The following FHIP1B variants were observed in gnomAD, a reference collection of about 807,000 sequenced individuals.
FHIP1B encodes the protein FHF complex subunit HOOK interacting protein 1B, also known as FHF complex subunit HOOK-interacting protein 1B.
In FHIP1B, 28 loss-of-function variants were observed where a neutral mutation model predicts 82.2. The ratio of observed to expected loss-of-function variants is 0.34; its 90% confidence interval spans 0.25 to 0.47. The LOEUF is 0.47. Among genes scored for constraint, FHIP1B ranks in the 20% least tolerant of loss-of-function variants. FHIP1B has a pLI of 1.00. For synonymous variants in FHIP1B, 585 were observed against 516.1 expected, an observed-to-expected ratio of 1.13 and a Z score of -1.81; for missense variants, 1,110 against 1,262.6, an observed-to-expected ratio of 0.88 and a Z score of 1.83.
chr11:6,234,490 T>C (rs1200487495), intron 1 of FHIP1B, 54 bp downstream of exon 1: 1 of 152,884 alleles, frequency 6.5e-6, no homozygotes, highest in Non-Finnish European at 1.5e-5. Flanking sequence ...CACCGTCTTT[T>C]CCCAGTCTCT....
At chr11:6,230,549 T>C (rs2133848971) in intron 1 of FHIP1B, among the ~76,000 whole-genome samples, 1 of 152,320 alleles carries the variant, frequency 6.6e-6, no homozygotes, top group East Asian at 1.9e-4. Flanking sequence ...AAATGGGATG[T>C]CAGGGTATGG....
chr11:6,230,699 C>G (rs905988003), intron 1 of FHIP1B, among the ~76,000 whole-genome samples: 1 of 152,162 alleles, frequency 6.6e-6, no homozygotes, highest in Non-Finnish European at 1.5e-5. Flanking sequence ...GCAATGAATC[C>G]TCATGTCACA....
In FHIP1B at chr11:6,222,646, C is replaced by T. The variant is rs777482488; in HGVS notation, c.1024-37G>A. 1.6e-5 allele frequency: 25 copies of T among 1,606,446 alleles called. No homozygotes were observed. In the African/African-American group the frequency reaches 3.3e-4, roughly 21 times the overall value. On this transcript the variant is annotated intron_variant, in intron 5 of 11. Transcript: ENST00000449352. ...GAAGGGAAAGTCTGGAAATGCACAGCTTCCCTGCACATACAGGGCCATTTT... is the reference window on the plus strand; with the variant it reads ...GAAGGGAAAGTCTGGAAATGCACAGTTTCCCTGCACATACAGGGCCATTTT...
At chr11:6,226,722 T>G (rs1847574591) in intron 1 of FHIP1B, among the ~76,000 whole-genome samples, 1 of 152,220 alleles carries the variant, frequency 6.6e-6, no homozygotes, top group African/African-American at 2.4e-5. Flanking sequence ...GAAGGGTAAA[T>G]GTGGGTGACG....
intron 9 of FHIP1B, chr11:6,216,790 G>T (rs889089823): frequency 2.0e-6 from 1 of 498,774 alleles, no homozygotes; most frequent in African/African-American, 1.9e-5. Context: ...GACAGTCACA[G>T]CAACCAAGAA....
At position 6,218,033 on chromosome 11, in the gene FHIP1B, C is replaced by A; in HGVS notation, c.1553G>T (p.Gly518Val). ...AAGCCCTGGTGAGCAAGGGGCTGGG[C>A]CTGGAGACTCAGAGCCACCCAGGCT... ...QQSLGGSESP[G>V]PAPCSPGLSA... Residue 518 changes from glycine to valine, a missense_variant, in exon 9 of 12, where the codon GGC (glycine) becomes GTC (valine). This residue lies in a region of FHIP1B where 418 missense variants were observed against 371.4 expected (regional missense o/e 1.13). Transcript: ENST00000449352. The A allele has an allele frequency of 1.9e-6, 3 of 1,613,330 alleles. No individual in the cohort carries two copies. The highest frequency in any genetic ancestry group is 2.5e-6 in the Non-Finnish European group (3 of 1,179,694).
At chr11:6,217,090 T>C (rs1389048587) in intron 9 of FHIP1B, 1 of 702,554 alleles carries the variant, frequency 1.4e-6, no homozygotes, top group Non-Finnish European at 2.6e-6. Flanking sequence ...TCGCAGGAAA[T>C]GGCCAGACTA....
intron 6 of FHIP1B, among the ~76,000 whole-genome samples, chr11:6,219,992 A>T (rs1847361239): frequency 6.6e-6 from 1 of 152,224 alleles, no homozygotes; most frequent in Non-Finnish European, 1.5e-5. Flanking sequence ...GCTAGCAATG[A>T]AAAAATTCAG....
intron 1 of FHIP1B, among the ~76,000 whole-genome samples, chr11:6,230,838 G>A (rs1435381306): frequency 6.6e-6 from 1 of 152,206 alleles, no homozygotes; most frequent in African/African-American, 2.4e-5. Flanking sequence ...CTATTACAAA[G>A]ATTTCAAGGC....
At chr11:6,215,011 G>GT (rs1847186903) in intron 9 of FHIP1B, 100 bp from the exon 10 acceptor site, 1 of 1,154,590 alleles carries the variant, frequency 8.7e-7, no homozygotes, top group South Asian at 1.9e-5. Context: ...CAGATGAAAA[G>GT]TATTTGTATG....
In FHIP1B at chr11:6,223,960, G is replaced by A; in HGVS notation, c.427C>T (p.Gln143Ter). 2 of 1,614,130 alleles carry A rather than the reference G, an allele frequency of 1.2e-6. No individual in the cohort carries two copies. The highest frequency in any genetic ancestry group is 1.7e-6 in the Non-Finnish European group (2 of 1,180,034). ...LFEMLVSEAR[Q>*]PLLRHGPVRE... ...ACTGGACCATGCCGCAACAGTGGCTGGCGAGCTTCGCTCACTAGCATTTCA... is the reference window on the plus strand; with the variant it reads ...ACTGGACCATGCCGCAACAGTGGCTAGCGAGCTTCGCTCACTAGCATTTCA... The change falls in exon 3 of 12, where the codon CAG becomes TAG. Residue 143 changes from glutamine to a stop codon, truncating the protein, a stop_gained. Transcript: ENST00000449352. LOFTEE classifies it high-confidence loss of function. This position sits in a 1 kb window ranked among gnomAD's most constrained non-coding sequence, Gnocchi z 4.8.
At chr11:6,216,866 G>C (rs781203560) in intron 9 of FHIP1B, 41 of 588,178 alleles carry the variant, frequency 7.0e-5, no homozygotes, top group Non-Finnish European at 1.1e-4. Flanking sequence ...GGGGAGGAAG[G>C]AGCTGAGTAG....
intron 1 of FHIP1B, among the ~76,000 whole-genome samples, chr11:6,225,615 T>A (rs576603114): frequency 4.6e-5 from 7 of 152,222 alleles, no homozygotes; most frequent in Non-Finnish European, 1.0e-4. Flanking sequence ...GTTGAACGTA[T>A]TAATGCTGAA....
At chr11:6,214,369 A>G (rs1847162857) in intron 11 of FHIP1B, 42 bp downstream of exon 11, 1 of 1,560,726 alleles carries the variant, frequency 6.4e-7, no homozygotes, top group African/African-American at 1.4e-5. Context: ...TTAATAGGCT[A>G]TCTAGGGAGG....
chr11:6,221,474 T>TTA (rs1590622453), intron 6 of FHIP1B, among the ~76,000 whole-genome samples: 1 of 152,142 alleles, frequency 6.6e-6, no homozygotes, highest in East Asian at 1.9e-4. Context: ...CACTCCCATG[T>TTA]TATATATATT....
rs768588090 is a variant in FHIP1B, at chr11:6,218,104, G to A, written c.1482C>T (p.Pro494=). 3.7e-5 allele frequency: 60 copies of A among 1,613,314 alleles called. No homozygotes were observed. The highest frequency in any genetic ancestry group is 1.6e-4 in the Middle Eastern group (1 of 6,080). ...CCAGACGAGATGGTGTGGAGGGCCGGGGTACTGTCGTCACAGAAGAGGAGT... is the reference window on the plus strand; with the variant it reads ...CCAGACGAGATGGTGTGGAGGGCCGAGGTACTGTCGTCACAGAAGAGGAGT... The part of the protein sequence containing the change: ...SVDSSSVTTV[P]RPSTPSRLAL... The change falls in exon 9 of 12, where the codon CCC becomes CCT. Residue 494 remains proline (P), a synonymous_variant. Coordinates refer to ENST00000449352, the MANE Select transcript of FHIP1B (RefSeq NM_001098794.2).
chr11:6,227,714 AAGG>A (rs66949256), intron 1 of FHIP1B, among the ~76,000 whole-genome samples: 27,807 of 152,140 alleles, frequency 0.18, 3,140 homozygotes, highest in Middle Eastern at 0.32. Flanking sequence ...GGAATTATCC[AAGG>A]AGAACAGCAG....
chr11:6,224,485 G>A lies in FHIP1B; in HGVS notation c.32C>T (p.Ala11Val). 6.2e-7 allele frequency: 1 copy of A among 1,613,856 alleles called. No homozygotes were observed. The highest frequency in any genetic ancestry group is 8.5e-7 in the Non-Finnish European group (1 of 1,179,868). The change falls in exon 2 of 12, where the codon GCC becomes GTC. Residue 11 changes from alanine to valine, a missense_variant. Physicochemically the swap from Ala to Val is moderately conservative, Grantham distance 64. Coordinates refer to ENST00000449352, the MANE Select transcript of FHIP1B (RefSeq NM_001098794.2). MERMNWLSRLASRGPGHRIPQ... is the reference protein window; with the variant it reads MERMNWLSRLVSRGPGHRIPQ... Reference sequence around the variant, plus strand: ...TATACGGTGCCCAGGGCCCCGGGAGGCCAGTCTGCTCAGCCAATTCATCCT... The same window carrying A: ...TATACGGTGCCCAGGGCCCCGGGAGACCAGTCTGCTCAGCCAATTCATCCT...
intron 1 of FHIP1B, among the ~76,000 whole-genome samples, chr11:6,225,639 T>C (rs1847543761): frequency 6.6e-6 from 1 of 151,986 alleles, no homozygotes; most frequent in East Asian, 1.9e-4. Context: ...AATAAGTGAG[T>C]GAATGAATGA....
Sources: allele counts gnomAD v4.1 joint callset (sites outside exome capture counted in the v4.1 genomes callset), GRCh38; gene constraint gnomAD v4.1.1; regional missense constraint gnomAD v4.1.1; non-coding constraint Gnocchi (gnomAD v3.1); transcripts MANE v1.5; gene names NCBI Gene and HGNC (gene_info 2026-07-23, HGNC 2026-07-21).